The following LMNTD2 variants were observed in gnomAD, a reference collection of about 807,000 sequenced individuals.
LMNTD2 encodes lamin tail domain-containing protein 2.
LMNTD2 carries 83 observed loss-of-function variants against 70.1 expected under a neutral mutation model. The observed-to-expected ratio is 1.18, with a 90% CI of 0.99 to 1.42. The LOEUF is 1.42. Among genes scored for constraint, LMNTD2 ranks in the 40% most tolerant of loss-of-function variants. LMNTD2 has a pLI of 0.00. For missense variants in LMNTD2, 1,153 were observed against 905.9 expected (o/e 1.27, Z -3.50); for synonymous variants, 534 against 406.1 (o/e 1.31, Z -3.79).
chr11:555,904 G>A lies in LMNTD2; in HGVS notation c.1404C>T (p.Arg468=). 6.4e-7 allele frequency: 1 copy of A among 1,566,912 alleles called. No individual in the cohort carries two copies. Among genetic ancestry groups the A allele is most frequent in the Non-Finnish European group, 8.6e-7 (1 of 1,162,042 alleles). The change falls in exon 12 of 14, where the codon CGC becomes CGT. Residue 468 remains arginine, a synonymous_variant. Transcript: ENST00000329451. ...AGACCCTCGGGGCCGGAGTCTCGCG[G>A]CGTGGGATCCGGTGCTCACTGAGGA... ...GEVLSEHRIP[R]RETPAPRVFA...
At position 557,899 on chromosome 11, in the gene LMNTD2, C is replaced by T. The variant is rs563413395; in HGVS notation, c.540G>A (p.Gln180=). ...SSWVGRMLRS[Q]TGSVEVVTAE... ...ACAGGCTCACCTCCACACTGCCAGTCTGGGATCGTAGCATGCGGCCCACCC... is the reference window on the plus strand; with the variant it reads ...ACAGGCTCACCTCCACACTGCCAGTTTGGGATCGTAGCATGCGGCCCACCC... Residue 180 remains glutamine, a synonymous_variant, in exon 5 of 14, where the codon CAG becomes CAA. Transcript: ENST00000329451. The T allele has an allele frequency of 3.2e-5, 51 of 1,573,520 alleles. No homozygotes were observed. The South Asian group carries it at 5.6e-4, about 17-fold the overall frequency.
In LMNTD2 at chr11:558,863, C is replaced by G; in HGVS notation, c.151G>C (p.Asp51His). 31 of 1,603,710 alleles carry G rather than the reference C, an allele frequency of 1.9e-5. No homozygotes were observed. Among genetic ancestry groups the G allele is most frequent in the Non-Finnish European group, 2.5e-5 (29 of 1,172,788 alleles). ...PHPAPVVCSA[D>H]PQLALESLDP... Reference sequence around the variant, plus strand: ...CCTCCCTCTCCTCCTTACTGCGGGTCGGCAGAGCAGACCACCGGTGCGGGG... The same window carrying G: ...CCTCCCTCTCCTCCTTACTGCGGGTGGGCAGAGCAGACCACCGGTGCGGGG... Residue 51 changes from aspartate to histidine, a missense_variant, in exon 2 of 14, where the codon GAC becomes CAC. Physicochemically the swap from Asp to His is moderately conservative, Grantham distance 81. Coordinates refer to ENST00000329451, the MANE Select transcript of LMNTD2 (RefSeq NM_173573.3).
Position 556,301 on chromosome 11 carries a change from C to T in LMNTD2, c.1148G>A (p.Ser383Asn). The T allele has an allele frequency of 5.2e-6, 8 of 1,535,606 alleles. No individual in the cohort carries two copies. Among genetic ancestry groups the T allele is most frequent in the South Asian group, 2.4e-5 (2 of 84,044 alleles). Residue 383 changes from serine to asparagine, a missense_variant, in exon 10 of 14, where the codon AGC becomes AAC. Transcript: ENST00000329451. ...FVRIFNPSQE[S>N]TADLSGMVLK... The stretch of plus-strand genomic sequence containing the variant: ...CACCATGCCGCTCAGGTCGGCCGTG[C>T]TCTCCTGCGACGGGTTGAAGATGCG...
rs1269502092 is a variant in LMNTD2, at chr11:555,286, C to T, written c.1773+19G>A. 2 of 1,380,090 alleles carry T rather than the reference C, an allele frequency of 1.4e-6. No individual in the cohort carries two copies. The highest frequency in any genetic ancestry group is 1.9e-6 in the Non-Finnish European group (2 of 1,068,618). The allele number at this position is 1,380,090 out of a possible 1,614,324, so 85.5% of individuals were successfully genotyped here. On this transcript the variant is annotated intron_variant, in intron 13 of 13. Transcript: ENST00000329451. ...ACGAGGAGGGAGAGGAGGGGGCGCA[C>T]CCGCAAGCGCGCACTCACCCGAACT...
Position 555,494 on chromosome 11 carries a change from G to T in LMNTD2, c.1584C>A (p.Gly528=). ...RVSRRRPGTR[G]LLPPVSSGKL... ...TCCCCGAGCTCACTGGGGGCAGCAG[G>T]CCCCGCGTCCTGGTGGGGCGAGGGT... The change falls in exon 13 of 14, where the codon GGC becomes GGA. Residue 528 remains glycine, a synonymous_variant. Coordinates refer to ENST00000329451, the MANE Select transcript of LMNTD2 (RefSeq NM_173573.3). 1 of 1,364,578 alleles carries T rather than the reference G, an allele frequency of 7.3e-7. No individual in the cohort carries two copies. The highest frequency in any genetic ancestry group is 9.4e-7 in the Non-Finnish European group (1 of 1,065,058). The allele number at this position is 1,364,578 out of a possible 1,614,324, so 84.5% of individuals were successfully genotyped here. A position where few individuals can be genotyped will look rare whatever the true frequency, so the allele number is the denominator to read the frequency against.
At position 558,756 on chromosome 11, in the gene LMNTD2, C is replaced by G; in HGVS notation, c.169G>C (p.Glu57Gln). Residue 57 changes from glutamate to glutamine, a missense_variant, in exon 3 of 14, where the codon GAG (glutamate) becomes CAG (glutamine). By Grantham distance (29) the Glu-to-Gln change is conservative. Transcript: ENST00000329451. Reference protein sequence around the residue: ...VCSADPQLALESLDPRTLRLL... With the variant: ...VCSADPQLALQSLDPRTLRLL... ...CGCAGTGTGCGAGGGTCCAGGGACT[C>G]AAGAGCCAACCTGCAGCGGCAGCAG... is the stretch of plus-strand genomic sequence containing the variant. 2 of 1,606,030 alleles carry G rather than the reference C, an allele frequency of 1.2e-6. No homozygotes were observed. The highest frequency in any genetic ancestry group is 1.7e-6 in the Non-Finnish European group (2 of 1,175,420).
In LMNTD2 at chr11:558,357, C is replaced by T. The variant is rs1853036008; in HGVS notation, c.312-109G>A. 8.5e-6 allele frequency: 11 copies of T among 1,296,568 alleles called. No individual in the cohort carries two copies. The South Asian group carries it at 1.5e-4, about 18-fold the overall frequency. 80.3% of individuals were successfully genotyped at this position (1,296,568 alleles called of 1,614,324 possible). ...GGAGGGGCTCCACTGCCACCTTGGC[C>T]CCAAGGGCACACAGTACAGCCCCGC... On this transcript the variant is annotated intron_variant, in intron 3 of 13. Coordinates refer to ENST00000329451, the MANE Select transcript of LMNTD2 (RefSeq NM_173573.3).
At chr11:558,552 A>G (rs923575371) in intron 3 of LMNTD2, 62 bp downstream of exon 3, 2 of 1,537,354 alleles carry the variant, frequency 1.3e-6, no homozygotes, top group Admixed American at 3.7e-5. Flanking sequence ...GGTCAGACAG[A>G]AACCAGGAGT....
At position 555,660 on chromosome 11, in the gene LMNTD2, G is replaced by A. The variant is rs1354405977; in HGVS notation, c.1574+74C>T. 3 of 1,318,754 alleles carry A rather than the reference G, an allele frequency of 2.3e-6. No individual in the cohort carries two copies. The South Asian group carries it at 5.2e-5, about 23-fold the overall frequency. The allele number at this position is 1,318,754 out of a possible 1,614,324, so 81.7% of individuals were successfully genotyped here. On this transcript the variant is annotated intron_variant, in intron 12 of 13. Transcript: ENST00000329451. ...GAAGTAGGGGTCCGTCCTAGCGAGG[G>A]GATACGAGGGACCGTTTCTGCTGGG...
At chr11:559,205 C>G (rs1356388328) in intron 1 of LMNTD2, 4 of 1,478,108 alleles carry the variant, frequency 2.7e-6, no homozygotes, top group African/African-American at 2.8e-5. Flanking sequence ...GTGTTTCTGA[C>G]CAGGCTGGCG....
At chr11:555,252 AGGAGGAGAACGAGGAGGGAGAGGAGG>A in intron 13 of LMNTD2, 27 bp downstream of exon 13, 1 of 1,174,808 alleles carries the variant, frequency 8.5e-7, no homozygotes, top group East Asian at 3.5e-5. Context: ...GGGAGAGGAG[AGGAGGAGAACGAGGAGGGAGAGGAGG>A]GGGCGCACCC....
rs1185181045 is a variant in LMNTD2 at position 556,290 on chromosome 11, G to A, written c.1159C>T (p.Leu387=). 2.0e-6 allele frequency: 3 copies of A among 1,535,516 alleles called. No homozygotes were observed. The East Asian group carries it at 7.3e-5, about 38-fold the overall frequency. The change falls in exon 10 of 14, where the codon CTG becomes TTG. Residue 387 remains leucine, a synonymous_variant. Coordinates refer to ENST00000329451, the MANE Select transcript of LMNTD2 (RefSeq NM_173573.3). ...AGCTGCTTCAGCACCATGCCGCTCAGGTCGGCCGTGCTCTCCTGCGACGGG... is the reference window on the plus strand; with the variant it reads ...AGCTGCTTCAGCACCATGCCGCTCAAGTCGGCCGTGCTCTCCTGCGACGGG... ...FNPSQESTAD[L]SGMVLKQLVR...
intron 9 of LMNTD2, 26 bp from the exon 10 acceptor site, chr11:556,401 G>C: frequency 6.5e-7 from 1 of 1,539,552 alleles, no homozygotes; most frequent in Non-Finnish European, 8.7e-7. Flanking sequence ...ACGCTGTGAG[G>C]AGATGCGGCC....
At position 555,528 on chromosome 11, in the gene LMNTD2, C is replaced by CGGCGGCCGGCCCGGGAAA. The variant is rs746420167; in HGVS notation, c.1575-43_1575-26dup. 3 of 1,337,190 alleles carry CGGCGGCCGGCCCGGGAAA rather than the reference C, an allele frequency of 2.2e-6. No homozygotes were observed. The African/African-American group carries it at 4.6e-5, about 20-fold the overall frequency. The allele number at this position is 1,337,190 out of a possible 1,614,324, so 82.8% of individuals were successfully genotyped here. On this transcript the variant is annotated intron_variant, in intron 12 of 13. Transcript: ENST00000329451. ...CCTGGTGGGGCGAGGGTCGTGAGGG[C>CGGCGGCCGGCCCGGGAAA]GGCGGCCGGCCCGGGAAAGGCGGCC...
intron 3 of LMNTD2, 168 bp downstream of exon 3, chr11:558,446 T>G: frequency 1.9e-6 from 2 of 1,061,090 alleles, no homozygotes; most frequent in Non-Finnish European, 2.7e-6. Flanking sequence ...TGCGCAGGGT[T>G]AGGGTGGAGG....
At chr11:560,010 A>ACAC (rs1314984948) in intron 1 of LMNTD2, 1 of 172,222 alleles carries the variant, frequency 5.8e-6, no homozygotes. Context: ...AGCCGTGTCC[A>ACAC]CACCCTCTGG....
chr11:557,445 G>A lies in LMNTD2; in HGVS notation c.667C>T (p.Arg223Trp), dbSNP rs145884999. The A allele has an allele frequency of 2.4e-5, 38 of 1,608,732 alleles. No individual in the cohort carries two copies. The highest frequency in any genetic ancestry group is 6.7e-5 in the East Asian group (3 of 44,710). ...EDVDWNSVARRYPNLFTNMEP... is the reference protein window; with the variant it reads ...EDVDWNSVARWYPNLFTNMEP... ...ATGTTGGTGAAGAGGTTGGGATACC[G>A]GCGGGCAACGCTGTTCCAATCCACG... Residue 223 changes from arginine to tryptophan, a missense_variant, in exon 7 of 14, where the codon CGG becomes TGG. Arg to Trp is a moderately radical substitution (Grantham distance 101). Coordinates refer to ENST00000329451, the MANE Select transcript of LMNTD2 (RefSeq NM_173573.3).
rs754914740 is a variant in LMNTD2, at chr11:555,840, G to A, written c.1468C>T (p.Leu490Phe). 1 of 1,552,504 alleles carries A rather than the reference G, an allele frequency of 6.4e-7. No individual in the cohort carries two copies. The highest frequency in any genetic ancestry group is 2.0e-5 in the Admixed American group (1 of 49,738). Residue 490 changes from leucine (L) to phenylalanine (F), a missense_variant, in exon 12 of 14, where the codon CTC (leucine) becomes TTC (phenylalanine). Physicochemically the swap from Leu to Phe is conservative, Grantham distance 22. Transcript: ENST00000329451. The stretch of plus-strand genomic sequence containing the variant: ...TCGGCGCCGGGCCCGGCCTCAGGGA[G>A]CGGGAAGCGGTCGATGGACAAGTCG... The part of the protein sequence containing the change: ...GTDLSIDRFP[L>F]PEAGPGADTR...
intron 13 of LMNTD2, 31 bp from the exon 14 acceptor site, chr11:555,142 G>T: frequency 2.9e-6 from 3 of 1,041,974 alleles, no homozygotes; most frequent in South Asian, 2.1e-5. Context: ...GAGGCGCGCG[G>T]GGCGGGGCGG....
Sources: gnomAD v4.1 joint callset for allele counts on GRCh38, gnomAD v4.1.1 for gene constraint, MANE v1.5 for transcripts, NCBI Gene and HGNC (gene_info 2026-07-23, HGNC 2026-07-21) for gene names.